Variants in GPC6 observed in about 807,000 individuals in gnomAD.
GPC6 encodes the protein glypican 6.
In GPC6, 14 loss-of-function variants were observed where a neutral mutation model predicts 55.2. That is an observed-to-expected ratio of 0.25 (90% CI 0.17 to 0.40). The LOEUF (loss-of-function observed/expected upper bound fraction) is 0.40, where lower values mean the gene tolerates loss of function less well. GPC6 is among the 10% of genes least tolerant of loss of function. The probability of loss-of-function intolerance (pLI) is 1.00; values close to 1 mark genes in which losing one functional copy is unlikely to be tolerated. For missense variants in GPC6, 641 were observed against 708.5 expected (o/e 0.90, Z 1.08); for synonymous variants, 278 against 259.6 (o/e 1.07, Z -0.68).
intron 4 of GPC6, among the ~76,000 whole-genome samples, chr13:94,050,717 G>C (rs1371517404): frequency 6.6e-6 from 1 of 152,142 alleles, no homozygotes; most frequent in Non-Finnish European, 1.5e-5. Context: ...TCTTTAGGGA[G>C]ATAGGACAGG....
At chr13:93,287,298 C>G (rs939882143) in intron 1 of GPC6, among the ~76,000 whole-genome samples, 2 of 152,158 alleles carry the variant, frequency 1.3e-5, no homozygotes, top group African/African-American at 4.8e-5. Context: ...CCAATGAGAA[C>G]AGAGGATTCC....
At chr13:93,898,739 T>C (rs1466559575) in intron 3 of GPC6, among the ~76,000 whole-genome samples, 1 of 151,594 alleles carries the variant, frequency 6.6e-6, no homozygotes, top group African/African-American at 2.4e-5. Flanking sequence ...TGTGAAGAAA[T>C]ATGGCCAAGT....
At chr13:93,244,896 G>C (rs564832309) in intron 1 of GPC6, among the ~76,000 whole-genome samples, 1 of 151,864 alleles carries the variant, frequency 6.6e-6, no homozygotes, top group African/African-American at 2.4e-5. Flanking sequence ...AAAGGGTGAC[G>C]CACACTAACA....
At chr13:93,986,924 C>A (rs1307490872) in intron 3 of GPC6, among the ~76,000 whole-genome samples, 1 of 152,130 alleles carries the variant, frequency 6.6e-6, no homozygotes, top group Non-Finnish European at 1.5e-5. Context: ...TTTTGTCTTA[C>A]AAAGCATTAC....
intron 1 of GPC6, among the ~76,000 whole-genome samples, chr13:93,518,711 T>A (rs1881299755): frequency 6.6e-6 from 1 of 152,006 alleles, no homozygotes; most frequent in African/African-American, 2.4e-5. Context: ...TCTCTGCAAA[T>A]GGTAAATGCA....
At chr13:94,381,484 C>T (rs747441760) in intron 6 of GPC6, among the ~76,000 whole-genome samples, 1 of 152,040 alleles carries the variant, frequency 6.6e-6, no homozygotes, top group African/African-American at 2.4e-5. Context: ...CAAATTTCCC[C>T]TTTTTATCAG....
At chr13:94,295,146 G>T (rs1351578893) in intron 5 of GPC6, among the ~76,000 whole-genome samples, 1 of 152,118 alleles carries the variant, frequency 6.6e-6, no homozygotes, top group East Asian at 1.9e-4. Context: ...AGACTGACAT[G>T]GGATCTAGTT....
At position 93,592,737 on chromosome 13, in the gene GPC6, C is replaced by A. The variant is rs1404882258; in HGVS notation, c.319+47316C>A. The stretch of plus-strand genomic sequence containing the variant: ...AGAGAAATATATAACAAATTTGGGA[C>A]CAGAAATTCATATTTAGTAATTGTT... On this transcript the variant is annotated intron_variant, in intron 2 of 8. Coordinates refer to ENST00000377047, the MANE Select transcript of GPC6 (RefSeq NM_005708.5). Among the ~76,000 whole-genome samples, 4 of 151,750 alleles carry A rather than the reference C, an allele frequency of 2.6e-5. No homozygotes were observed. In the East Asian group the frequency reaches 7.7e-4, roughly 29 times the overall value.
intron 6 of GPC6, among the ~76,000 whole-genome samples, chr13:94,365,437 G>T (rs921904304): frequency 1.3e-5 from 2 of 152,140 alleles, no homozygotes; most frequent in African/African-American, 4.8e-5. Context: ...GCAGATCATT[G>T]CATTATAGCA....
chr13:94,292,714 A>G (rs1357735439), intron 5 of GPC6, among the ~76,000 whole-genome samples: 1 of 152,178 alleles, frequency 6.6e-6, no homozygotes, highest in Non-Finnish European at 1.5e-5. Context: ...CTCACATCAT[A>G]TCTAGGAGAA....
chr13:93,453,174 G>A (rs965327342), intron 1 of GPC6, among the ~76,000 whole-genome samples: 6 of 152,168 alleles, frequency 3.9e-5, no homozygotes, highest in South Asian at 2.1e-4. Flanking sequence ...TACTGATGGC[G>A]TCGAAGACCC....
chr13:93,873,646 T>C (rs546941635), intron 3 of GPC6, among the ~76,000 whole-genome samples: 1 of 152,016 alleles, frequency 6.6e-6, no homozygotes, highest in South Asian at 2.1e-4. Context: ...GAGACCTTGA[T>C]GCAGACCGAT....
chr13:93,650,701 G>T (rs74111521), intron 2 of GPC6, among the ~76,000 whole-genome samples: 1 of 152,100 alleles, frequency 6.6e-6, no homozygotes, highest in Admixed American at 6.6e-5. Context: ...GGCCACATAA[G>T]CTTATTGTTT....
chr13:93,919,909 A>G (rs560478694), intron 3 of GPC6, among the ~76,000 whole-genome samples: 1 of 152,282 alleles, frequency 6.6e-6, no homozygotes, highest in South Asian at 2.1e-4. Flanking sequence ...ACTTGCTTAG[A>G]AGCCTCTCGC....
chr13:93,979,282 TG>T (rs1422760318), intron 3 of GPC6, among the ~76,000 whole-genome samples: 521 of 4,554 alleles, frequency 0.11, 5 homozygotes, highest in African/African-American at 0.19. Flanking sequence ...ACACTTCTTT[TG>T]TGTGTGTGTG....
intron 2 of GPC6, among the ~76,000 whole-genome samples, chr13:93,611,723 C>A (rs1188462300): frequency 6.6e-6 from 1 of 152,042 alleles, no homozygotes; most frequent in Non-Finnish European, 1.5e-5. Context: ...TCTCCTTTAG[C>A]GGATATTTTC....
At chr13:94,095,075 G>A (rs1412016925) in intron 4 of GPC6, among the ~76,000 whole-genome samples, 2 of 151,934 alleles carry the variant, frequency 1.3e-5, no homozygotes, top group Non-Finnish European at 1.5e-5. Flanking sequence ...TAAAAATTTC[G>A]TTTCTGTACT....
At chr13:93,720,490 C>G (rs1883416116) in intron 2 of GPC6, among the ~76,000 whole-genome samples, 3 of 151,942 alleles carry the variant, frequency 2.0e-5, no homozygotes, top group African/African-American at 7.3e-5. Context: ...AGCAGTCCAT[C>G]TATTTTGTTA....
chr13:93,748,314 A>G (rs981518184), intron 2 of GPC6, among the ~76,000 whole-genome samples: 1 of 152,130 alleles, frequency 6.6e-6, no homozygotes, highest in East Asian at 1.9e-4. Context: ...AGACAGTTTC[A>G]TGTTTTATGT....
Sources: allele counts gnomAD v4.1 joint callset (sites outside exome capture counted in the v4.1 genomes callset), GRCh38; gene constraint gnomAD v4.1.1; transcripts MANE v1.5; gene names NCBI Gene and HGNC (gene_info 2026-07-23, HGNC 2026-07-21).